HOMER1: variants seen among roughly 807,000 people sequenced by gnomAD.
HOMER1 encodes homer scaffold protein 1.
A neutral mutation model predicts 48.9 loss-of-function variants in HOMER1; 3 were observed. The observed-to-expected ratio is 0.06, with a 90% CI of 0.03 to 0.16. The LOEUF (loss-of-function observed/expected upper bound fraction) is 0.16, where lower values mean the gene tolerates loss of function less well. Among genes scored for constraint, HOMER1 ranks in the 10% least tolerant of loss-of-function variants. The probability of loss-of-function intolerance (pLI) is 1.00; values close to 1 mark genes in which losing one functional copy is unlikely to be tolerated. For missense variants in HOMER1, 247 were observed against 411.4 expected (o/e 0.60, Z 3.46); for synonymous variants, 134 against 146.4 (o/e 0.92, Z 0.61).
chr5:79,442,876 A>G (rs1446981158), intron 4 of HOMER1, among the ~76,000 whole-genome samples: 4 of 152,248 alleles, frequency 2.6e-5, no homozygotes, highest in African/African-American at 9.6e-5. Context: ...TCATATCCTC[A>G]GTCATACATT....
chr5:79,480,038 T>C (rs1436893559), intron 1 of HOMER1, among the ~76,000 whole-genome samples: 1 of 152,172 alleles, frequency 6.6e-6, no homozygotes, highest in East Asian at 1.9e-4. Context: ...GTAACAAGCG[T>C]AGTTGAGTAG....
Position 79,465,243 on chromosome 5 carries a change from G to C in HOMER1, c.6-8225C>G, listed in dbSNP as rs867266975. ...TCAGCTACTCAAGAGGATGAGGCAG[G>C]AGGATCATTTGAGCCCAGGAGTTGG... On this transcript the variant is annotated intron_variant, in intron 1 of 8. Transcript: ENST00000334082. Among the ~76,000 whole-genome samples the C allele has an allele frequency of 4.6e-5, 7 of 152,142 alleles. No individual in the cohort carries two copies. The Middle Eastern group carries it at 0.017, about 370-fold the overall frequency.
chr5:79,443,439 T>C (rs1306888904), intron 4 of HOMER1, among the ~76,000 whole-genome samples: 2 of 152,178 alleles, frequency 1.3e-5, no homozygotes, highest in East Asian at 1.9e-4. Flanking sequence ...AGCTCACCGA[T>C]CTGAGTTTTA....
At position 79,379,105 on chromosome 5, in the gene HOMER1, TATATATATAA is replaced by T. The variant is rs1335277381; in HGVS notation, c.877-2918_877-2909del. 1.3e-3 allele frequency among the ~76,000 whole-genome samples: 76 copies of T among 59,478 alleles called. 9 individuals carry two copies. Among genetic ancestry groups the T allele is most frequent in the East Asian group, 4.0e-3 (4 of 1,008 alleles). 39.0% of individuals were successfully genotyped at this position (59,478 alleles called of 152,430 possible). On this transcript the variant is annotated intron_variant, in intron 8 of 8. Coordinates refer to ENST00000334082, the MANE Select transcript of HOMER1 (RefSeq NM_004272.5). ...ATATATATATATATATATATATATA[TATATATATAA>T]AATATATAAATATTTATTTATATAT...
At chr5:79,383,203 A>G (rs1317770698) in intron 8 of HOMER1, among the ~76,000 whole-genome samples, 4 of 152,140 alleles carry the variant, frequency 2.6e-5, no homozygotes, top group Non-Finnish European at 5.9e-5. Flanking sequence ...TGGCACACCT[A>G]AATTCATAAA....
At chr5:79,392,508 CA>C (rs1749277270) in intron 8 of HOMER1, among the ~76,000 whole-genome samples, 1 of 152,240 alleles carries the variant, frequency 6.6e-6, no homozygotes, top group Non-Finnish European at 1.5e-5. Context: ...TAGTTTTCTA[CA>C]GCTGAATACA....
At chr5:79,395,776 C>T (rs897662074) in intron 8 of HOMER1, among the ~76,000 whole-genome samples, 1 of 152,122 alleles carries the variant, frequency 6.6e-6, no homozygotes, top group African/African-American at 2.4e-5. Context: ...ATAGGTTGGA[C>T]AAGTTAACCT....
At position 79,456,814 on chromosome 5, in the gene HOMER1, C is replaced by G. The variant is rs1324812076; in HGVS notation, c.162+48G>C. On this transcript the variant is annotated intron_variant, in intron 2 of 8. Transcript: ENST00000334082. ...TTCTGAATAGAACTAAAATGTCATA[C>G]TGAAAAAAGCAAAACCAGCCAAATC... 3.8e-6 allele frequency: 6 copies of G among 1,564,944 alleles called. No homozygotes were observed. The African/African-American group carries it at 8.1e-5, about 21-fold the overall frequency.
chr5:79,390,707 G>A (rs905292011), intron 8 of HOMER1, among the ~76,000 whole-genome samples: 6 of 151,952 alleles, frequency 3.9e-5, no homozygotes, highest in Non-Finnish European at 7.4e-5. Flanking sequence ...AGTAAATTAC[G>A]TAACATAGAA....
At chr5:79,460,711 T>C (rs531988736) in intron 1 of HOMER1, among the ~76,000 whole-genome samples, 1 of 152,138 alleles carries the variant, frequency 6.6e-6, no homozygotes, top group Non-Finnish European at 1.5e-5. Context: ...GCTGTCACAA[T>C]GAGGGAAACT....
intron 4 of HOMER1, among the ~76,000 whole-genome samples, chr5:79,445,990 A>G (rs758624617): frequency 6.6e-6 from 1 of 152,224 alleles, no homozygotes; most frequent in Non-Finnish European, 1.5e-5. Flanking sequence ...ACGTGCATGT[A>G]TTTTAACTTT....
chr5:79,425,449 C>T (rs566345037), intron 5 of HOMER1, among the ~76,000 whole-genome samples: 1 of 152,100 alleles, frequency 6.6e-6, no homozygotes, highest in African/African-American at 2.4e-5. Flanking sequence ...TTCTTTATTA[C>T]TTACTGTTCA....
intron 5 of HOMER1, among the ~76,000 whole-genome samples, chr5:79,417,332 C>A (rs1749972099): frequency 6.6e-6 from 1 of 152,042 alleles, no homozygotes; most frequent in South Asian, 2.1e-4. Flanking sequence ...TTAGTAGAGA[C>A]GGGGTTTCAC....
chr5:79,406,695 C>A (rs1271098441), intron 5 of HOMER1, among the ~76,000 whole-genome samples: 1 of 152,178 alleles, frequency 6.6e-6, no homozygotes, highest in Non-Finnish European at 1.5e-5. Flanking sequence ...CAGGTGAAGA[C>A]CTGTTATGGC....
At chr5:79,486,777 C>A (rs1361326442) in intron 1 of HOMER1, among the ~76,000 whole-genome samples, 1 of 152,110 alleles carries the variant, frequency 6.6e-6, no homozygotes, top group East Asian at 1.9e-4. Flanking sequence ...ATGCAGATTC[C>A]TATAGACTAT....
intron 5 of HOMER1, among the ~76,000 whole-genome samples, chr5:79,427,426 T>C (rs1475393006): frequency 6.6e-6 from 1 of 152,174 alleles, no homozygotes; most frequent in Non-Finnish European, 1.5e-5. Context: ...TCTCGCTCTG[T>C]CACCCAGGCT....
chr5:79,494,864 T>G (rs1476842502), intron 1 of HOMER1, among the ~76,000 whole-genome samples: 2 of 152,188 alleles, frequency 1.3e-5, no homozygotes, highest in African/African-American at 4.8e-5. Context: ...AGTGAAACTC[T>G]TGCCTTCTCC....
chr5:79,513,062 G>A lies in HOMER1; in HGVS notation c.-288C>T, dbSNP rs1752985478. On this transcript the variant is annotated 5_prime_UTR_variant, in exon 1 of 9. Transcript: ENST00000334082. Reference sequence around the variant, plus strand: ...TCTATTCCACAAAATGAGTCTACAAGTAGGGAAATGCAGAATCCGGCTTCA... The same window carrying A: ...TCTATTCCACAAAATGAGTCTACAAATAGGGAAATGCAGAATCCGGCTTCA... The A allele has an allele frequency of 2.1e-6, 1 of 475,114 alleles. No individual in the cohort carries two copies. Among genetic ancestry groups the A allele is most frequent in the Non-Finnish European group, 3.7e-6 (1 of 267,600 alleles). 29.4% of individuals were successfully genotyped at this position (475,114 alleles called of 1,614,324 possible).
At position 79,375,915 on chromosome 5, in the gene HOMER1, T is replaced by A; in HGVS notation, c.*94A>T. The A allele has an allele frequency of 1.8e-6, 1 of 555,144 alleles. No individual in the cohort carries two copies. Among genetic ancestry groups the A allele is most frequent in the Non-Finnish European group, 2.7e-6 (1 of 371,454 alleles). 34.4% of individuals were successfully genotyped at this position (555,144 alleles called of 1,614,324 possible). ...AGGAGTGATATTCAATTTTTTTTTT[T>A]TTTTTTTTGTGCAATCTTGATGCAG... is the stretch of plus-strand genomic sequence containing the variant. On this transcript the variant is annotated 3_prime_UTR_variant, in exon 9 of 9. Coordinates refer to ENST00000334082, the MANE Select transcript of HOMER1 (RefSeq NM_004272.5).
Sources: allele counts gnomAD v4.1 joint callset (sites outside exome capture counted in the v4.1 genomes callset), GRCh38; gene constraint gnomAD v4.1.1; transcripts MANE v1.5; gene names NCBI Gene and HGNC (gene_info 2026-07-23, HGNC 2026-07-21).